The following LDLRAD3 variants were observed in gnomAD, a reference collection of about 807,000 sequenced individuals.
LDLRAD3 encodes low density lipoprotein receptor class A domain containing 3.
Under a neutral mutation model 29.4 loss-of-function variants are expected in LDLRAD3, and 20 were observed. The observed-to-expected ratio is 0.68, with a 90% CI of 0.48 to 0.99. LDLRAD3 has a LOEUF of 0.99. Among genes scored for constraint, LDLRAD3 ranks in the 50% least tolerant of loss-of-function variants. The pLI is 0.00. For synonymous variants in LDLRAD3, 157 were observed against 192.7 expected, an observed-to-expected ratio of 0.81 and a Z score of 1.53; for missense variants, 420 against 454.3, an observed-to-expected ratio of 0.92 and a Z score of 0.69.
At chr11:36,161,379 A>G (rs1288459943) in intron 4 of LDLRAD3, among the ~76,000 whole-genome samples, 2 of 152,178 alleles carry the variant, frequency 1.3e-5, no homozygotes, top group African/African-American at 4.8e-5. Flanking sequence ...GGCTCTGGCA[A>G]CTGCTTCCTG....
intron 4 of LDLRAD3, among the ~76,000 whole-genome samples, chr11:36,179,409 G>A (rs1244266993): frequency 6.6e-6 from 1 of 151,964 alleles, no homozygotes; most frequent in Non-Finnish European, 1.5e-5. Context: ...AGGAGGTGGT[G>A]GTTGCAGTGA....
intron 2 of LDLRAD3, among the ~76,000 whole-genome samples, chr11:36,080,862 A>T (rs116591933): frequency 0.019 from 2,916 of 152,328 alleles, 83 homozygotes; most frequent in African/African-American, 0.065. Context: ...GTAACAACAT[A>T]TGTGGAAGGT....
At chr11:35,970,942 G>T (rs1344248023) in intron 1 of LDLRAD3, among the ~76,000 whole-genome samples, 2 of 152,122 alleles carry the variant, frequency 1.3e-5, no homozygotes, top group Admixed American at 1.3e-4. Context: ...TACAGGCCTG[G>T]TATTTTCTGT....
At chr11:35,954,606 A>T (rs1851178700) in intron 1 of LDLRAD3, among the ~76,000 whole-genome samples, 1 of 152,236 alleles carries the variant, frequency 6.6e-6, no homozygotes, top group African/African-American at 2.4e-5. Context: ...GCCATGGTGA[A>T]TGAAATTTAC....
intron 2 of LDLRAD3, among the ~76,000 whole-genome samples, chr11:36,045,887 G>C (rs1192226575): frequency 6.6e-6 from 1 of 152,080 alleles, no homozygotes; most frequent in Admixed American, 6.6e-5. Flanking sequence ...ATGGTGGTTT[G>C]CTGCACCCAT....
chr11:35,973,760 C>T (rs1338772179), intron 1 of LDLRAD3, among the ~76,000 whole-genome samples: 2 of 152,082 alleles, frequency 1.3e-5, no homozygotes, highest in Admixed American at 6.5e-5. Context: ...CGTGAGTCAC[C>T]GTGCCCAATC....
At chr11:36,210,046 A>C (rs1354044799) in intron 4 of LDLRAD3, among the ~76,000 whole-genome samples, 3 of 152,244 alleles carry the variant, frequency 2.0e-5, no homozygotes, top group Non-Finnish European at 4.4e-5. Context: ...TGAATCATGC[A>C]TATTTTGCCT....
At position 36,071,980 on chromosome 11, in the gene LDLRAD3, C is replaced by T. The variant is rs562483255; in HGVS notation, c.194-9673C>T. ...TGGTGGCAATTTGTTATAAATTTTA[C>T]ATCTGTCTTTGTATGTTCCTCCATG... is the stretch of plus-strand genomic sequence containing the variant. On this transcript the variant is annotated intron_variant, in intron 2 of 5. Transcript: ENST00000315571. 5.3e-5 allele frequency among the ~76,000 whole-genome samples: 8 copies of T among 152,370 alleles called. No homozygotes were observed. In the South Asian group the frequency reaches 1.0e-3, roughly 20 times the overall value.
intron 3 of LDLRAD3, among the ~76,000 whole-genome samples, chr11:36,084,229 C>G (rs1853162961): frequency 6.6e-6 from 1 of 152,168 alleles, no homozygotes; most frequent in African/African-American, 2.4e-5. Flanking sequence ...CTGGTCTGGT[C>G]TTTAATTTTC....
intron 4 of LDLRAD3, among the ~76,000 whole-genome samples, chr11:36,187,959 T>G (rs1323808071): frequency 6.6e-6 from 1 of 152,206 alleles, no homozygotes; most frequent in Non-Finnish European, 1.5e-5. Flanking sequence ...GCTTTCACAG[T>G]CATTATCCTG....
intron 4 of LDLRAD3, chr11:36,163,394 G>A (rs1051482552): frequency 2.0e-5 from 3 of 152,228 alleles, no homozygotes; most frequent in African/African-American, 7.2e-5. Flanking sequence ...GTGTGGCTTA[G>A]CCCAGCCTGG....
intron 2 of LDLRAD3, among the ~76,000 whole-genome samples, chr11:36,062,993 A>G (rs931648606): frequency 6.6e-6 from 1 of 152,232 alleles, no homozygotes; most frequent in African/African-American, 2.4e-5. Flanking sequence ...CAAGGAAACG[A>G]TTATGATGAA....
At chr11:36,026,656 C>T (rs988961320) in intron 1 of LDLRAD3, among the ~76,000 whole-genome samples, 4 of 152,188 alleles carry the variant, frequency 2.6e-5, no homozygotes, top group Non-Finnish European at 2.9e-5. Flanking sequence ...AGCGAGATGG[C>T]GAGGAACATG....
chr11:36,209,318 A>T (rs1855251419), intron 4 of LDLRAD3, among the ~76,000 whole-genome samples: 1 of 148,144 alleles, frequency 6.8e-6, no homozygotes. Flanking sequence ...GATCATCACT[A>T]GGGGAACCTA....
In LDLRAD3 at chr11:36,081,616, T is replaced by A. The variant is rs1853115203; in HGVS notation, c.194-37T>A. On this transcript the variant is annotated intron_variant, in intron 2 of 5. Coordinates refer to ENST00000315571, the MANE Select transcript of LDLRAD3 (RefSeq NM_174902.4). ...ATGAGTATGCAGTCATCTGAGAACA[T>A]CTCCTGATGTCTTGCTGTTTCTTTT... 28 of 1,613,856 alleles carry A rather than the reference T, an allele frequency of 1.7e-5. No individual in the cohort carries two copies. In the East Asian group the frequency reaches 6.2e-4, roughly 36 times the overall value.
chr11:36,026,069 C>T (rs898284914), intron 1 of LDLRAD3, among the ~76,000 whole-genome samples: 1 of 152,136 alleles, frequency 6.6e-6, no homozygotes, highest in Non-Finnish European at 1.5e-5. Flanking sequence ...TGTGAGCCAC[C>T]ACACCCGGCC....
At chr11:36,186,794 G>C (rs1854855792) in intron 4 of LDLRAD3, among the ~76,000 whole-genome samples, 2 of 152,162 alleles carry the variant, frequency 1.3e-5, no homozygotes, top group Admixed American at 1.3e-4. Flanking sequence ...ATGAGATTTT[G>C]TTTAAAATGA....
chr11:36,123,927 A>G (rs1853797697), intron 4 of LDLRAD3, among the ~76,000 whole-genome samples: 1 of 152,246 alleles, frequency 6.6e-6, no homozygotes, highest in Non-Finnish European at 1.5e-5. Context: ...GCTTAACTCA[A>G]AATTACCGTA....
At chr11:36,225,725 A>G (rs1855489122) in intron 4 of LDLRAD3, among the ~76,000 whole-genome samples, 1 of 151,862 alleles carries the variant, frequency 6.6e-6, no homozygotes, top group African/African-American at 2.4e-5. Context: ...AAAAAAGGAG[A>G]ATCACACCAC....
Sources: gnomAD v4.1 joint callset for allele counts (sites outside exome capture counted in the v4.1 genomes callset) on GRCh38, gnomAD v4.1.1 for gene constraint, MANE v1.5 for transcripts, NCBI Gene and HGNC (gene_info 2026-07-23, HGNC 2026-07-21) for gene names.